The following INPP5A variants were observed in gnomAD, a reference collection of about 807,000 sequenced individuals.
The protein encoded by INPP5A is 43 kDa inositol polyphosphate 5-phophatase.
In INPP5A, 14 loss-of-function variants were observed where a neutral mutation model predicts 65.2. The ratio of observed to expected loss-of-function variants is 0.21; its 90% CI spans 0.14 to 0.34. INPP5A has a LOEUF of 0.34. Ranked by LOEUF, INPP5A falls within the 10% of genes least tolerant of loss-of-function variation. The pLI is 1.00. For missense variants in INPP5A, 431 were observed against 545.6 expected (o/e 0.79, Z 2.09); for synonymous variants, 207 against 208.3 (o/e 0.99, Z 0.05).
chr10:132,653,188 G>A (rs1010639488), intron 4 of INPP5A, among the ~76,000 whole-genome samples: 3 of 152,242 alleles, frequency 2.0e-5, no homozygotes, highest in African/African-American at 4.8e-5. Flanking sequence ...AGGGGCAGCC[G>A]TCATGCTGTA....
chr10:132,687,830 C>T (rs1845162939), intron 4 of INPP5A, among the ~76,000 whole-genome samples: 1 of 152,230 alleles, frequency 6.6e-6, no homozygotes, highest in Non-Finnish European at 1.5e-5. Flanking sequence ...GTTCCCTTCC[C>T]CACCAGACGC....
chr10:132,602,888 C>CT (rs1193295052), intron 1 of INPP5A, among the ~76,000 whole-genome samples: 1 of 152,114 alleles, frequency 6.6e-6, no homozygotes, highest in Admixed American at 6.5e-5. Flanking sequence ...CCTTTCTTTC[C>CT]TTTTGTGTCT....
At chr10:132,763,789 G>A (rs1846780408) in intron 11 of INPP5A, among the ~76,000 whole-genome samples, 1 of 150,760 alleles carries the variant, frequency 6.6e-6, no homozygotes, top group Non-Finnish European at 1.5e-5. Flanking sequence ...ACACATGCCT[G>A]CATGCAAACA....
At chr10:132,630,791 G>T (rs1037502218) in intron 2 of INPP5A, among the ~76,000 whole-genome samples, 1 of 152,100 alleles carries the variant, frequency 6.6e-6, no homozygotes, top group Non-Finnish European at 1.5e-5. Flanking sequence ...GGTGGGGGCC[G>T]GGAGGCGGCG....
intron 8 of INPP5A, among the ~76,000 whole-genome samples, chr10:132,718,041 C>T (rs1028498952): frequency 4.1e-5 from 6 of 147,254 alleles, no homozygotes; most frequent in Admixed American, 1.4e-4. Context: ...GCGCCTTAGA[C>T]GGCTGTCTTG....
At chr10:132,724,499 C>T (rs977536798) in intron 8 of INPP5A, among the ~76,000 whole-genome samples, 1 of 152,236 alleles carries the variant, frequency 6.6e-6, no homozygotes, top group Admixed American at 6.5e-5. Context: ...ACAGAAGCCA[C>T]CACAGGCAAA....
At chr10:132,729,253 G>A (rs1157110667) in intron 9 of INPP5A, among the ~76,000 whole-genome samples, 5 of 152,192 alleles carry the variant, frequency 3.3e-5, no homozygotes, top group Admixed American at 3.3e-4. Flanking sequence ...GGCCTCGGGA[G>A]CCGGCCTGAG....
Position 132,645,724 on chromosome 10 carries a change from C to T in INPP5A, c.118-144C>T, listed in dbSNP as rs2072484524. The T allele has an allele frequency of 1.3e-5, 8 of 603,920 alleles. No individual in the cohort carries two copies. The East Asian group carries it at 2.2e-4, about 17-fold the overall frequency. The allele number at this position is 603,920 out of a possible 1,614,324, so 37.4% of individuals were successfully genotyped here. Reference sequence around the variant, plus strand: ...GGCGACGTGACTCCTAGAATCTGTCCAGAACCCATGGTCGCAGACATGGGG... The same window carrying T: ...GGCGACGTGACTCCTAGAATCTGTCTAGAACCCATGGTCGCAGACATGGGG... On this transcript the variant is annotated intron_variant, in intron 2 of 15. Transcript: ENST00000368594.
intron 4 of INPP5A, among the ~76,000 whole-genome samples, chr10:132,682,832 C>A (rs537178953): frequency 1.3e-5 from 2 of 151,920 alleles, no homozygotes; most frequent in African/African-American, 4.8e-5. Flanking sequence ...GGACACATGT[C>A]TGCCGTGACC....
rs142436242 is a variant in INPP5A, at chr10:132,608,915, G to A, written c.117+959G>A. Among the ~76,000 whole-genome samples the A allele has an allele frequency of 1.9e-3, 289 of 152,316 alleles. 1 individual carries two copies. Among genetic ancestry groups the A allele is most frequent in the Middle Eastern group, 6.8e-3 (2 of 294 alleles). On this transcript the variant is annotated intron_variant, in intron 2 of 15. Transcript: ENST00000368594. ...TGGCCCGACCTGGGCCTGAGGTGCTGGGCCAGAGGTGGAGCTGGGACAGCC... is the reference window on the plus strand; with the variant it reads ...TGGCCCGACCTGGGCCTGAGGTGCTAGGCCAGAGGTGGAGCTGGGACAGCC...
intron 2 of INPP5A, among the ~76,000 whole-genome samples, chr10:132,628,040 G>GATCT (rs2072211882): frequency 6.6e-6 from 1 of 152,226 alleles, no homozygotes; most frequent in Admixed American, 6.5e-5. Context: ...AGCAGCTGCG[G>GATCT]ATCTACTCTT....
intron 1 of INPP5A, among the ~76,000 whole-genome samples, chr10:132,556,158 C>A (rs983739470): frequency 1.3e-5 from 2 of 152,170 alleles, no homozygotes; most frequent in Non-Finnish European, 2.9e-5. Flanking sequence ...TATAGGTCCT[C>A]CTTGATGGCA....
intron 11 of INPP5A, among the ~76,000 whole-genome samples, chr10:132,754,696 A>G (rs1035610292): frequency 6.6e-6 from 1 of 152,232 alleles, no homozygotes; most frequent in Non-Finnish European, 1.5e-5. Context: ...CTGAAACACC[A>G]CCACCCAGGC....
At chr10:132,597,046 CAT>C (rs1182857111) in intron 1 of INPP5A, among the ~76,000 whole-genome samples, 40 of 143,610 alleles carry the variant, frequency 2.8e-4, no homozygotes, top group Middle Eastern at 4.5e-3. Flanking sequence ...TGTATGCATG[CAT>C]GTGTGTGTGC....
intron 9 of INPP5A, among the ~76,000 whole-genome samples, chr10:132,742,864 C>A (rs566665173): frequency 6.6e-6 from 1 of 152,158 alleles, no homozygotes; most frequent in Non-Finnish European, 1.5e-5. Context: ...TTTATTTAAC[C>A]GCTGAAGGCA....
At chr10:132,723,527 A>G (rs372642695) in intron 8 of INPP5A, among the ~76,000 whole-genome samples, 895 of 77,936 alleles carry the variant, frequency 0.011, 17 homozygotes, top group East Asian at 0.048. Flanking sequence ...GGGATTGGCC[A>G]TGTGGGGATT....
Position 132,727,090 on chromosome 10 carries a change from T to C in INPP5A, c.732+185T>C. 2.2e-6 allele frequency: 1 copy of C among 458,600 alleles called. No individual in the cohort carries two copies. Among genetic ancestry groups the C allele is most frequent in the Non-Finnish European group, 3.9e-6 (1 of 257,840 alleles). The allele number at this position is 458,600 out of a possible 1,614,324, so 28.4% of individuals were successfully genotyped here. ...GTCGGCAGAGGGATCCGTGTTGGAA[T>C]CCGGGGTGCGCGGGCCCTCAAGGTT... is the stretch of plus-strand genomic sequence containing the variant. On this transcript the variant is annotated intron_variant, in intron 9 of 15. Coordinates refer to ENST00000368594, the MANE Select transcript of INPP5A (RefSeq NM_005539.5). This position sits in a 1 kb window ranked among gnomAD's most constrained non-coding sequence, Gnocchi z 6.5.
chr10:132,616,558 T>C lies in INPP5A; in HGVS notation c.117+8602T>C, dbSNP rs2072036353. ...TGGTGTATGGGACGTGGTGGTGACA[T>C]AGTGTGTGTTGGTGATAGGGGATGG... On this transcript the variant is annotated intron_variant, in intron 2 of 15. Transcript: ENST00000368594. The surrounding 1 kb of genome is among the most constrained non-coding windows in gnomAD (Gnocchi z 4.9). Among the ~76,000 whole-genome samples the C allele has an allele frequency of 1.3e-5, 2 of 151,714 alleles. No individual in the cohort carries two copies. Among genetic ancestry groups the C allele is most frequent in the South Asian group, 2.1e-4 (1 of 4,810 alleles).
chr10:132,595,789 G>C (rs2071678445), intron 1 of INPP5A, among the ~76,000 whole-genome samples: 2 of 152,090 alleles, frequency 1.3e-5, no homozygotes, highest in African/African-American at 4.8e-5. Context: ...TCTTATAAAT[G>C]ATGCTATTAT....
Sources: allele counts gnomAD v4.1 joint callset (sites outside exome capture counted in the v4.1 genomes callset), GRCh38; gene constraint gnomAD v4.1.1; non-coding constraint Gnocchi (gnomAD v3.1); transcripts MANE v1.5; gene names NCBI Gene and HGNC (gene_info 2026-07-23, HGNC 2026-07-21).